The following GMDS variants were observed in gnomAD, a reference collection of about 807,000 sequenced individuals.
GMDS encodes GDP-mannose 4,6 dehydratase.
In GMDS, 20 loss-of-function variants were observed where a neutral mutation model predicts 49.9. The observed-to-expected ratio is 0.40, with a 90% confidence interval of 0.28 to 0.58. The LOEUF (loss-of-function observed/expected upper bound fraction) is 0.58. GMDS is among the 20% of genes least tolerant of loss of function. The pLI, the probability that GMDS is intolerant of heterozygous loss-of-function variation, is 0.42. For missense variants in GMDS, 362 were observed against 481.4 expected, an observed-to-expected ratio of 0.75 and a Z score of 2.32; for synonymous variants, 177 against 178.6, an observed-to-expected ratio of 0.99 and a Z score of 0.07.
At chr6:1,915,975 G>C (rs192203080) in intron 7 of GMDS, among the ~76,000 whole-genome samples, 7 of 152,310 alleles carry the variant, frequency 4.6e-5, no homozygotes. Context: ...GCCATATTGG[G>C]AGGTGGCAAC....
chr6:1,957,806 A>G (rs1763724690), intron 6 of GMDS, among the ~76,000 whole-genome samples: 1 of 152,088 alleles, frequency 6.6e-6, no homozygotes, highest in Admixed American at 6.5e-5. Context: ...TATTACTTTA[A>G]AACAATTTTT....
At chr6:2,014,041 A>G (rs1449764454) in intron 4 of GMDS, among the ~76,000 whole-genome samples, 1 of 150,622 alleles carries the variant, frequency 6.6e-6, no homozygotes, top group East Asian at 1.9e-4. Flanking sequence ...CCAAAAGACA[A>G]CTGTATGAAA....
intron 1 of GMDS, among the ~76,000 whole-genome samples, chr6:2,141,206 C>T (rs1380914628): frequency 6.6e-6 from 1 of 152,182 alleles, no homozygotes; most frequent in African/African-American, 2.4e-5. Flanking sequence ...CAGGAAGCTG[C>T]CCATGGGCAT....
chr6:1,920,869 AAG>A (rs1309751096), intron 7 of GMDS, among the ~76,000 whole-genome samples: 2 of 152,176 alleles, frequency 1.3e-5, no homozygotes, highest in African/African-American at 2.4e-5. Flanking sequence ...TAGCTAACCT[AAG>A]TGTGAACAGT....
chr6:2,026,357 C>T (rs1768598175), intron 4 of GMDS, among the ~76,000 whole-genome samples: 1 of 152,170 alleles, frequency 6.6e-6, no homozygotes. Context: ...CCAGTCCTCA[C>T]ACAAGTATCT....
rs115228904 is a variant in GMDS at position 1,874,551 on chromosome 6, C to T, written c.771+55552G>A. Among the ~76,000 whole-genome samples, 1,144 of 152,186 alleles carry T rather than the reference C, an allele frequency of 7.5e-3. 14 individuals carry two copies. Among genetic ancestry groups the T allele is most frequent in the African/African-American group, 0.027 (1,101 of 41,522 alleles). On this transcript the variant is annotated intron_variant, in intron 7 of 10. Coordinates refer to ENST00000380815, the MANE Select transcript of GMDS (RefSeq NM_001500.4). Reference sequence around the variant, plus strand: ...GTCACACACGACAATCTCTTCAAAACAAGAGATAAAAATGTAGCTGTCGTT... The same window carrying T: ...GTCACACACGACAATCTCTTCAAAATAAGAGATAAAAATGTAGCTGTCGTT...
At chr6:2,047,629 C>T (rs965484778) in intron 4 of GMDS, among the ~76,000 whole-genome samples, 3 of 152,026 alleles carry the variant, frequency 2.0e-5, no homozygotes, top group Admixed American at 6.6e-5. Context: ...GCTGGGATTA[C>T]AGGTGTGCAC....
intron 1 of GMDS, among the ~76,000 whole-genome samples, chr6:2,187,834 G>A (rs1778846237): frequency 1.3e-5 from 2 of 152,144 alleles, no homozygotes; most frequent in Admixed American, 1.3e-4. Flanking sequence ...TTTAAAAAGG[G>A]CTTCAATAAA....
chr6:1,811,967 C>A (rs2113682322), intron 7 of GMDS, among the ~76,000 whole-genome samples: 1 of 152,284 alleles, frequency 6.6e-6, no homozygotes, highest in East Asian at 1.9e-4. Context: ...TACTATGTTC[C>A]AGGTACACTG....
At chr6:1,895,213 G>A (rs1186371528) in intron 7 of GMDS, among the ~76,000 whole-genome samples, 1 of 152,122 alleles carries the variant, frequency 6.6e-6, no homozygotes, top group East Asian at 1.9e-4. Flanking sequence ...TTTGATGACT[G>A]CCCAGCTAAA....
At chr6:2,185,998 ATATT>A (rs142882728) in intron 1 of GMDS, among the ~76,000 whole-genome samples, 16,572 of 152,042 alleles carry the variant, frequency 0.11, 2,970 homozygotes, top group African/African-American at 0.38. Flanking sequence ...AAGTTAACAT[ATATT>A]TATTAAATTC....
At position 1,648,354 on chromosome 6, in the gene GMDS, C is replaced by G. The variant is rs138564367; in HGVS notation, c.988-23814G>C. 2.5e-4 allele frequency among the ~76,000 whole-genome samples: 38 copies of G among 152,332 alleles called. 1 individual carries two copies. The East Asian group carries it at 6.2e-3, about 25-fold the overall frequency. ...CTACCTTGGTCGGAAGGAAACCTTT[C>G]TCTCCAGCGTCATGCTTTCTGATGT... is the stretch of plus-strand genomic sequence containing the variant. On this transcript the variant is annotated intron_variant, in intron 9 of 10. Coordinates refer to ENST00000380815, the MANE Select transcript of GMDS (RefSeq NM_001500.4).
chr6:1,960,866 T>C lies in GMDS; in HGVS notation c.446A>G (p.Lys149Arg). Residue 149 changes from lysine to arginine, a missense_variant, in exon 5 of 11, where the codon AAG (lysine) becomes AGG (arginine). By Grantham distance (26) the Lys-to-Arg change is conservative. Coordinates refer to ENST00000380815, the MANE Select transcript of GMDS (RefSeq NM_001500.4). The stretch of plus-strand genomic sequence containing the variant: ...TTCACTTGTTGAGGCTTGGTAGAAC[T>C]TCACAGAGTTGATAAGGCCACAAGT... ...VKTCGLINSV[K>R]FYQASTSELY... 1 of 1,612,514 alleles carries C rather than the reference T, an allele frequency of 6.2e-7. No homozygotes were observed. The highest frequency in any genetic ancestry group is 8.5e-7 in the Non-Finnish European group (1 of 1,178,704).
At chr6:1,641,343 A>T (rs1280230354) in intron 9 of GMDS, among the ~76,000 whole-genome samples, 2 of 152,252 alleles carry the variant, frequency 1.3e-5, no homozygotes, top group Admixed American at 1.3e-4. Flanking sequence ...GGAGAGAAAT[A>T]TGCCCTGCCA....
chr6:1,836,641 TGGGTAGAAGC>T lies in GMDS; in HGVS notation c.771+93452_771+93461del, dbSNP rs1158569794. Among the ~76,000 whole-genome samples the T allele has an allele frequency of 1.3e-5, 2 of 152,214 alleles. No homozygotes were observed. Among genetic ancestry groups the T allele is most frequent in the African/African-American group, 4.8e-5 (2 of 41,454 alleles). On this transcript the variant is annotated intron_variant, in intron 7 of 10. Transcript: ENST00000380815. This position sits in a 1 kb window ranked among gnomAD's most constrained non-coding sequence, Gnocchi z 4.2. ...CGAAAATAGTCCATAAAAGGGAGAT[TGGGTAGAAGC>T]GGCTGATGAACTGGTTACATTAACA... is the stretch of plus-strand genomic sequence containing the variant.
chr6:2,145,484 G>C (rs894490643), intron 1 of GMDS, among the ~76,000 whole-genome samples: 1 of 152,032 alleles, frequency 6.6e-6, no homozygotes, highest in African/African-American at 2.4e-5. Flanking sequence ...GTTGCAGTGA[G>C]CTGGCACGGT....
intron 6 of GMDS, among the ~76,000 whole-genome samples, chr6:1,950,193 C>A (rs1042843837): frequency 3.3e-5 from 5 of 152,174 alleles, no homozygotes; most frequent in Admixed American, 1.3e-4. Flanking sequence ...CCCTAAAGCA[C>A]TAAAACATCT....
chr6:1,863,968 C>G (rs1480313092), intron 7 of GMDS, among the ~76,000 whole-genome samples: 1 of 151,892 alleles, frequency 6.6e-6, no homozygotes, highest in East Asian at 1.9e-4. Context: ...GCCAATAAAC[C>G]AGCAAAAAAG....
intron 4 of GMDS, among the ~76,000 whole-genome samples, chr6:2,064,778 G>C (rs993699067): frequency 2.0e-5 from 3 of 152,278 alleles, no homozygotes; most frequent in East Asian, 1.9e-4. Flanking sequence ...GGCTGATTTC[G>C]TATGAGCTGA....
Sources: allele counts gnomAD v4.1 joint callset (sites outside exome capture counted in the v4.1 genomes callset), GRCh38; gene constraint gnomAD v4.1.1; non-coding constraint Gnocchi (gnomAD v3.1); transcripts MANE v1.5; gene names NCBI Gene and HGNC (gene_info 2026-07-23, HGNC 2026-07-21).